Variants in RIMS2 observed in about 807,000 individuals in gnomAD.
The protein encoded by RIMS2 is regulating synaptic membrane exocytosis protein 2.
In RIMS2, 59 loss-of-function variants were observed where a neutral mutation model predicts 174.4. That is an observed-to-expected ratio of 0.34 (90% CI 0.27 to 0.42). The LOEUF (loss-of-function observed/expected upper bound fraction) is 0.42. Among genes scored for constraint, RIMS2 ranks in the 10% least tolerant of loss-of-function variants. The pLI is 1.00. For synonymous variants in RIMS2, 606 were observed against 572.5 expected (o/e 1.06, Z -0.84); for missense variants, 1,620 against 1,666.3 (o/e 0.97, Z 0.48).
At chr8:103,956,213 C>G (rs2087151888) in intron 14 of RIMS2, among the ~76,000 whole-genome samples, 1 of 152,170 alleles carries the variant, frequency 6.6e-6, no homozygotes, top group Non-Finnish European at 1.5e-5. Context: ...CCCAATCAAG[C>G]TACCATTGAC....
At chr8:104,092,092 A>G (rs2097669826) in intron 19 of RIMS2, among the ~76,000 whole-genome samples, 1 of 151,790 alleles carries the variant, frequency 6.6e-6, no homozygotes, top group African/African-American at 2.4e-5. Flanking sequence ...GTCAATTATT[A>G]AAAATGGATA....
chr8:103,680,787 T>G (rs950565991), intron 1 of RIMS2, among the ~76,000 whole-genome samples: 10 of 151,896 alleles, frequency 6.6e-5, no homozygotes, highest in African/African-American at 2.4e-4. Flanking sequence ...GGACATCAAT[T>G]AATACCTATC....
intron 2 of RIMS2, among the ~76,000 whole-genome samples, chr8:103,718,955 C>G (rs2097409651): frequency 6.6e-6 from 1 of 152,118 alleles, no homozygotes; most frequent in Non-Finnish European, 1.5e-5. Flanking sequence ...CCTCCTCCAA[C>G]AGACATTTTT....
chr8:103,906,112 CTT>C (rs1340544850), intron 4 of RIMS2, among the ~76,000 whole-genome samples: 1 of 152,084 alleles, frequency 6.6e-6, no homozygotes, highest in Non-Finnish European at 1.5e-5. Flanking sequence ...TAATAATAGT[CTT>C]AATAGTTTTT....
intron 4 of RIMS2, among the ~76,000 whole-genome samples, chr8:103,893,574 CT>C (rs2099259870): frequency 6.6e-6 from 1 of 152,024 alleles, no homozygotes. Flanking sequence ...CAGCCCATCA[CT>C]TTTCTGTATA....
chr8:103,618,021 A>G (rs769629846), intron 1 of RIMS2, among the ~76,000 whole-genome samples: 4 of 152,158 alleles, frequency 2.6e-5, no homozygotes, highest in Non-Finnish European at 5.9e-5. Context: ...ATTTCACTGT[A>G]AAGACACAGG....
chr8:103,502,419 T>C (rs2130784862), intron 1 of RIMS2, among the ~76,000 whole-genome samples: 1 of 152,256 alleles, frequency 6.6e-6, no homozygotes. Context: ...CACAAAATAT[T>C]GAGTGGCTAA....
intron 1 of RIMS2, among the ~76,000 whole-genome samples, chr8:103,521,855 A>C (rs111291265): frequency 1.3e-5 from 2 of 151,828 alleles, no homozygotes; most frequent in Admixed American, 6.6e-5. Context: ...AAAAAAAAAA[A>C]CAAAAAACAC....
intron 19 of RIMS2, among the ~76,000 whole-genome samples, chr8:104,018,136 A>G (rs140610482): frequency 0.011 from 1,733 of 152,298 alleles, 39 homozygotes; most frequent in African/African-American, 0.039. Flanking sequence ...TTATTTGTTT[A>G]GTTTCATTGA....
intron 1 of RIMS2, among the ~76,000 whole-genome samples, chr8:103,616,816 G>T (rs1398976329): frequency 6.6e-6 from 1 of 152,014 alleles, no homozygotes; most frequent in Non-Finnish European, 1.5e-5. Flanking sequence ...AGATAACTAG[G>T]GAGGTAAAAG....
chr8:104,246,975 T>C (rs2099336391), intron 20 of RIMS2, among the ~76,000 whole-genome samples: 1 of 138,452 alleles, frequency 7.2e-6, no homozygotes, highest in Non-Finnish European at 1.5e-5. Context: ...ACTTCCGTTT[T>C]TGGCATATCA....
At chr8:104,085,872 T>A (rs1427676845) in intron 19 of RIMS2, among the ~76,000 whole-genome samples, 1 of 152,084 alleles carries the variant, frequency 6.6e-6, no homozygotes, top group Non-Finnish European at 1.5e-5. Context: ...ATATTGAATT[T>A]GATGTGCCAG....
intron 19 of RIMS2, among the ~76,000 whole-genome samples, chr8:104,043,206 A>G (rs2096637936): frequency 6.6e-6 from 1 of 151,516 alleles, no homozygotes; most frequent in Non-Finnish European, 1.5e-5. Flanking sequence ...GAAAAGAAAA[A>G]AATGAAGGTA....
At chr8:103,609,757 G>T (rs1222819283) in intron 1 of RIMS2, among the ~76,000 whole-genome samples, 3 of 152,168 alleles carry the variant, frequency 2.0e-5, no homozygotes, top group African/African-American at 7.2e-5. Flanking sequence ...TTGAAGTTGG[G>T]TAATGTGTTG....
intron 1 of RIMS2, among the ~76,000 whole-genome samples, chr8:103,692,201 C>A (rs148921719): frequency 2.0e-5 from 3 of 152,322 alleles, no homozygotes; most frequent in African/African-American, 7.2e-5. Context: ...ACAGCAACCA[C>A]TGCCTGAGTA....
intron 19 of RIMS2, among the ~76,000 whole-genome samples, chr8:104,217,533 T>C (rs1481555620): frequency 1.3e-5 from 2 of 152,158 alleles, no homozygotes; most frequent in Non-Finnish European, 2.9e-5. Context: ...CCTCCCAAAA[T>C]GCTGGGACTA....
At chr8:103,717,846 C>A (rs2138276978) in intron 2 of RIMS2, among the ~76,000 whole-genome samples, 1 of 152,188 alleles carries the variant, frequency 6.6e-6, no homozygotes, top group Non-Finnish European at 1.5e-5. Flanking sequence ...CTTCACTATC[C>A]AATTCAGTAG....
intron 3 of RIMS2, among the ~76,000 whole-genome samples, chr8:103,772,325 C>T (rs561246270): frequency 6.6e-6 from 1 of 151,692 alleles, no homozygotes; most frequent in African/African-American, 2.4e-5. Flanking sequence ...TGTCTGATAA[C>T]CATTTATCTT....
chr8:104,116,017 CT>C (rs1446499707), intron 19 of RIMS2, among the ~76,000 whole-genome samples: 2 of 152,252 alleles, frequency 1.3e-5, no homozygotes, highest in Admixed American at 1.3e-4. Flanking sequence ...ACAAAAATTG[CT>C]GAACAATCAA....
Sources: gnomAD v4.1 joint callset for allele counts (sites outside exome capture counted in the v4.1 genomes callset) on GRCh38, gnomAD v4.1.1 for gene constraint, MANE v1.5 for transcripts, NCBI Gene and HGNC (gene_info 2026-07-23, HGNC 2026-07-21) for gene names.